UEVLD: variants seen among roughly 807,000 people sequenced by gnomAD.
UEVLD encodes ubiquitin-conjugating enzyme E2 variant 3.
UEVLD carries 47 observed loss-of-function variants against 58.6 expected under a neutral mutation model. The ratio of observed to expected loss-of-function variants is 0.80; its 90% confidence interval spans 0.63 to 1.02. The LOEUF is 1.02. UEVLD is among the 50% of genes least tolerant of loss of function. The pLI is 0.00. For missense variants in UEVLD, 510 were observed against 550.6 expected, an observed-to-expected ratio of 0.93 and a Z score of 0.74; for synonymous variants, 197 against 195.3, an observed-to-expected ratio of 1.01 and a Z score of -0.07.
rs1036495812 is a variant in UEVLD, at chr11:18,547,974, C to A, written c.716-924G>T. The stretch of plus-strand genomic sequence containing the variant: ...CTCACTATATTGCCCAGGCTGGACT[C>A]AAACTCCTGGGCTCAAGTACTCCTC... On this transcript the variant is annotated intron_variant, in intron 7 of 11. Transcript: ENST00000396197. Among the ~76,000 whole-genome samples, 41 of 152,228 alleles carry A rather than the reference C, an allele frequency of 2.7e-4. 1 individual carries two copies. Among genetic ancestry groups the A allele is most frequent in the Middle Eastern group, 3.4e-3 (1 of 294 alleles).
chr11:18,573,601 G>A (rs897367606), intron 3 of UEVLD, among the ~76,000 whole-genome samples: 1 of 152,172 alleles, frequency 6.6e-6, no homozygotes, highest in African/African-American at 2.4e-5. Flanking sequence ...GGATCCCATG[G>A]CTAGCTGCAT....
intron 1 of UEVLD, 94 bp downstream of exon 1, chr11:18,588,519 C>T: frequency 1.4e-6 from 2 of 1,476,418 alleles, no homozygotes; most frequent in Non-Finnish European, 1.8e-6. Flanking sequence ...CCACTACAAG[C>T]CGGGAAACGC....
In UEVLD at chr11:18,540,014, TTTCTA is replaced by T. The variant is rs1850988025; in HGVS notation, c.1061-3550_1061-3546del. 2.6e-5 allele frequency among the ~76,000 whole-genome samples: 4 copies of T among 152,250 alleles called. No individual in the cohort carries two copies. In the South Asian group the frequency reaches 6.2e-4, roughly 24 times the overall value. On this transcript the variant is annotated intron_variant, in intron 9 of 11. Transcript: ENST00000396197. ...GTTATTTTACATGTTTTTTGCCAAT[TTTCTA>T]TTCATCACCATCTTGCCAATCACTG...
intron 9 of UEVLD, among the ~76,000 whole-genome samples, chr11:18,542,263 G>A (rs1199966796): frequency 6.6e-6 from 1 of 152,046 alleles, no homozygotes; most frequent in Non-Finnish European, 1.5e-5. Context: ...CAATAACCAG[G>A]CAAGCAAGAG....
In UEVLD at chr11:18,532,271, G is replaced by A; in HGVS notation, c.*49C>T. On this transcript the variant is annotated 3_prime_UTR_variant, in exon 12 of 12. Transcript: ENST00000396197. ...AACCTATATATAGGTAAAATTAAAT[G>A]ACTTTTCCCTTTAGGTAGAAGTCCA... 6.6e-7 allele frequency: 1 copy of A among 1,517,414 alleles called. No individual in the cohort carries two copies. The highest frequency in any genetic ancestry group is 8.8e-7 in the Non-Finnish European group (1 of 1,132,262). 94.0% of individuals were successfully genotyped at this position (1,517,414 alleles called of 1,614,324 possible).
At chr11:18,538,301 C>T (rs140021924) in intron 9 of UEVLD, among the ~76,000 whole-genome samples, 2,846 of 143,174 alleles carry the variant, frequency 0.02, 43 homozygotes, top group Non-Finnish European at 0.032. Context: ...TTTTTGGAGA[C>T]GGAGTCTCAC....
At chr11:18,559,304 T>G (rs1461330331) in intron 6 of UEVLD, among the ~76,000 whole-genome samples, 1 of 152,192 alleles carries the variant, frequency 6.6e-6, no homozygotes, top group East Asian at 1.9e-4. Flanking sequence ...GTTCAAGCGA[T>G]TCTCCTGTCT....
chr11:18,560,954 T>C (rs1463312277), intron 6 of UEVLD, among the ~76,000 whole-genome samples: 1 of 151,070 alleles, frequency 6.6e-6, no homozygotes. Context: ...GAGGTTGCAG[T>C]GAGTGGAGAT....
In UEVLD at chr11:18,588,663, C is replaced by A. The variant is rs539617271; in HGVS notation, c.-9G>T. 3 of 1,608,520 alleles carry A rather than the reference C, an allele frequency of 1.9e-6. No individual in the cohort carries two copies. The highest frequency in any genetic ancestry group is 2.2e-5 in the South Asian group (2 of 91,022). On this transcript the variant is annotated 5_prime_UTR_variant, in exon 1 of 12. Coordinates refer to ENST00000396197, the MANE Select transcript of UEVLD (RefSeq NM_001040697.4). ...TCGCAGTCGAACTCCATCTCCAGGCCGGTCCCGAGCTAGGTCCCAGGACTC... is the reference window on the plus strand; with the variant it reads ...TCGCAGTCGAACTCCATCTCCAGGCAGGTCCCGAGCTAGGTCCCAGGACTC...
chr11:18,535,263 T>C (rs1005952610), intron 10 of UEVLD, among the ~76,000 whole-genome samples: 7 of 152,210 alleles, frequency 4.6e-5, no homozygotes, highest in Non-Finnish European at 1.5e-5. Flanking sequence ...AAAAATTTTT[T>C]GGACATGTGG....
At chr11:18,578,488 A>G (rs1453408058) in intron 2 of UEVLD, among the ~76,000 whole-genome samples, 1 of 152,244 alleles carries the variant, frequency 6.6e-6, no homozygotes, top group East Asian at 1.9e-4. Flanking sequence ...ATAACACAGT[A>G]AACGTGTGTT....
rs1398604778 is a variant in UEVLD at position 18,545,064 on chromosome 11, C to CTATATATA, written c.887-269_887-268insTATATATA. On this transcript the variant is annotated intron_variant, in intron 8 of 11. Coordinates refer to ENST00000396197, the MANE Select transcript of UEVLD (RefSeq NM_001040697.4). ...TATCTATCTATATCTATATCTATAT[C>CTATATATA]TATATCTATATTTTTTTTTTTTTTT... Among the ~76,000 whole-genome samples, 19 of 20,214 alleles carry CTATATATA rather than the reference C, an allele frequency of 9.4e-4. 1 individual carries two copies. Among genetic ancestry groups the CTATATATA allele is most frequent in the East Asian group, 8.8e-3 (4 of 454 alleles). The allele number at this position is 20,214 out of a possible 152,430, so 13.3% of individuals were successfully genotyped here.
rs779256209 is a variant in UEVLD at position 18,565,026 on chromosome 11, A to T, written c.494-16T>A. On this transcript the variant is annotated splice_polypyrimidine_tract_variant and intron_variant, in intron 5 of 11. Transcript: ENST00000396197. ...TCTGAAACACCTAGAAAGAAAGGTG[A>T]ATTATCCTGAGAATTCAAAAATATC... The T allele has an allele frequency of 1.3e-6, 2 of 1,561,770 alleles. No homozygotes were observed. The highest frequency in any genetic ancestry group is 2.3e-5 in the South Asian group (2 of 87,926).
At chr11:18,569,793 C>T (rs773263938) in intron 4 of UEVLD, 18 of 154,042 alleles carry the variant, frequency 1.2e-4, no homozygotes, top group Non-Finnish European at 2.6e-4. Flanking sequence ...TTGGTTAAAA[C>T]AAAGCATGTC....
intron 5 of UEVLD, among the ~76,000 whole-genome samples, chr11:18,565,560 G>A (rs573727232): frequency 6.6e-6 from 1 of 152,316 alleles, no homozygotes; most frequent in African/African-American, 2.4e-5. Context: ...CAGGCCCGGT[G>A]GCTCATGCCT....
intron 9 of UEVLD, among the ~76,000 whole-genome samples, chr11:18,542,255 AT>A (rs1851087266): frequency 6.6e-6 from 1 of 152,180 alleles, no homozygotes; most frequent in African/African-American, 2.4e-5. Flanking sequence ...GAGATGTGCA[AT>A]AACCAGGCAA....
chr11:18,570,848 T>C (rs1440223049), intron 3 of UEVLD: 1 of 151,490 alleles, frequency 6.6e-6, no homozygotes, highest in East Asian at 1.9e-4. Context: ...TTCATCCACA[T>C]TCACATTGGA....
Position 18,546,938 on chromosome 11 carries a change from A to C in UEVLD, c.828T>G (p.Leu276=), listed in dbSNP as rs755851457. The change falls in exon 8 of 12, where the codon CTT becomes CTG. Residue 276 remains leucine, a synonymous_variant. Transcript: ENST00000396197. ...GACTATAATGTCCCAGAGCTGGGAC[A>C]AGGGCTCTGAACATATCCACATTGC... ...VQSNVDMFRA[L]VPALGHYSQH... 31 of 1,614,018 alleles carry C rather than the reference A, an allele frequency of 1.9e-5. No homozygotes were observed. The South Asian group carries it at 3.1e-4, about 16-fold the overall frequency.
At chr11:18,534,589 G>C in intron 10 of UEVLD, 136 bp from the exon 11 acceptor site, 1 of 881,862 alleles carries the variant, frequency 1.1e-6, no homozygotes, top group South Asian at 2.0e-5. Context: ...GAAGCCTATA[G>C]ATAATCTAAT....
Sources: allele counts gnomAD v4.1 joint callset (sites outside exome capture counted in the v4.1 genomes callset), GRCh38; gene constraint gnomAD v4.1.1; transcripts MANE v1.5; gene names NCBI Gene and HGNC (gene_info 2026-07-23, HGNC 2026-07-21).